DCUN1D5: variants seen among roughly 807,000 people sequenced by gnomAD.
DCUN1D5 encodes defective in cullin neddylation 1 domain containing 5.
A neutral mutation model predicts 38.3 loss-of-function variants in DCUN1D5; 10 were observed. The ratio of observed to expected loss-of-function variants is 0.26; its 90% confidence interval spans 0.16 to 0.44. The LOEUF is 0.44. Among genes scored for constraint, DCUN1D5 ranks in the 20% least tolerant of loss-of-function variants. DCUN1D5 has a pLI of 1.00. For synonymous variants in DCUN1D5, 93 were observed against 90.9 expected (o/e 1.02, Z -0.13); for missense variants, 148 against 275.3 (o/e 0.54, Z 3.27).
rs1481980082 is a variant in DCUN1D5 at position 103,087,627 on chromosome 11, G to A, written c.178+1600C>T. Among the ~76,000 whole-genome samples, 1 of 152,220 alleles carries A rather than the reference G, an allele frequency of 6.6e-6. No homozygotes were observed. Among genetic ancestry groups the A allele is most frequent in the Non-Finnish European group, 1.5e-5 (1 of 68,044 alleles). On this transcript the variant is annotated intron_variant, in intron 2 of 7. Transcript: ENST00000260247. The surrounding 1 kb of genome is among the most constrained non-coding windows in gnomAD (Gnocchi z 4.1). ...ATCACAGCACTGCGCTCCAGCGTGGGCGACACAGTGAGACCCTGTCTCAAA... is the reference window on the plus strand; with the variant it reads ...ATCACAGCACTGCGCTCCAGCGTGGACGACACAGTGAGACCCTGTCTCAAA...
rs752402948 is a variant in DCUN1D5 at position 103,091,703 on chromosome 11, G to C, written c.86+84C>G. The stretch of plus-strand genomic sequence containing the variant: ...CCTCACCTGTCTCCAGCCCCAGCCC[G>C]GCAGGCCGGGCCCGACTCCTTTTCC... On this transcript the variant is annotated intron_variant, in intron 1 of 7. Transcript: ENST00000260247. This position sits in a 1 kb window ranked among gnomAD's most constrained non-coding sequence, Gnocchi z 4.3. The C allele has an allele frequency of 1.1e-5, 17 of 1,611,242 alleles. No individual in the cohort carries two copies. In the African/African-American group the frequency reaches 1.5e-4, roughly 14 times the overall value.
At chr11:103,070,173 A>C (rs1862236961) in intron 4 of DCUN1D5, among the ~76,000 whole-genome samples, 1 of 152,152 alleles carries the variant, frequency 6.6e-6, no homozygotes, top group African/African-American at 2.4e-5. Context: ...ACCAAATGGA[A>C]ATTTTTGAAC....
rs771036572 is a variant in DCUN1D5 at position 103,063,546 on chromosome 11, A to G, written c.658+729T>C. ...TTTTATTTTTTCAGTGTCACAGAAA[A>G]AAGTGTATAATTTCAGTTTAAGTTT... On this transcript the variant is annotated intron_variant, in intron 7 of 7. Coordinates refer to ENST00000260247, the MANE Select transcript of DCUN1D5 (RefSeq NM_032299.4). The surrounding 1 kb of genome is among the most constrained non-coding windows in gnomAD (Gnocchi z 4.6). 1.3e-5 allele frequency among the ~76,000 whole-genome samples: 2 copies of G among 152,156 alleles called. No individual in the cohort carries two copies. Among genetic ancestry groups the G allele is most frequent in the Non-Finnish European group, 2.9e-5 (2 of 67,996 alleles).
In DCUN1D5 at chr11:103,056,353, T is replaced by A. The variant is rs1861872283; in HGVS notation, c.*6006A>T. Among the ~76,000 whole-genome samples the A allele has an allele frequency of 6.6e-6, 1 of 152,230 alleles. No individual in the cohort carries two copies. The highest frequency in any genetic ancestry group is 1.5e-5 in the Non-Finnish European group (1 of 68,038). ...ACTACAGTCACACTGATCTCTTTAC[T>A]GTTTCTTTACACTCTGTACCAGCTC... On this transcript the variant is annotated 3_prime_UTR_variant, in exon 8 of 8. Coordinates refer to ENST00000260247, the MANE Select transcript of DCUN1D5 (RefSeq NM_032299.4). The surrounding 1 kb of genome is among the most constrained non-coding windows in gnomAD (Gnocchi z 4.9).
chr11:103,089,417 G>GT (rs59324738), intron 1 of DCUN1D5, 99 bp from the exon 2 acceptor site: 146,490 of 919,106 alleles, frequency 0.16, 5,637 homozygotes, highest in African/African-American at 0.2. Context: ...TTAAACAAAG[G>GT]TTTTTTTTTT....
intron 1 of DCUN1D5, among the ~76,000 whole-genome samples, chr11:103,090,196 TACTTA>T (rs1426616090): frequency 5.9e-5 from 9 of 152,226 alleles, no homozygotes; most frequent in Admixed American, 1.3e-4. Flanking sequence ...TATCTTAATG[TACTTA>T]ACTTAAATAA....
Position 103,082,736 on chromosome 11 carries a change from A to C in DCUN1D5, c.341+12T>G. On this transcript the variant is annotated intron_variant, in intron 4 of 7. Coordinates refer to ENST00000260247, the MANE Select transcript of DCUN1D5 (RefSeq NM_032299.4). ...TAGGCCATCAAATTTGTTTTTTAAA[A>C]AAATTTCTTACTGTAATGAAGTCAT... is the stretch of plus-strand genomic sequence containing the variant. 6.3e-7 allele frequency: 1 copy of C among 1,591,680 alleles called. No homozygotes were observed. The highest frequency in any genetic ancestry group is 8.6e-7 in the Non-Finnish European group (1 of 1,167,074).
At chr11:103,085,007 A>G (rs1862665217) in intron 2 of DCUN1D5, among the ~76,000 whole-genome samples, 1 of 152,194 alleles carries the variant, frequency 6.6e-6, no homozygotes, top group South Asian at 2.1e-4. Context: ...AAAATAAAAA[A>G]TTAAGGGAAA....
intron 4 of DCUN1D5, among the ~76,000 whole-genome samples, chr11:103,069,564 A>AAGC (rs766165636): frequency 6.6e-6 from 1 of 152,172 alleles, no homozygotes; most frequent in Non-Finnish European, 1.5e-5. Context: ...AGGTAGTAAC[A>AAGC]AGCAGCCAAT....
Position 103,083,520 on chromosome 11 carries a change from C to T in DCUN1D5, c.179-194G>A, listed in dbSNP as rs1489248603. ...AAATTTGTGAAGTATTCTTTGAACA[C>T]CAGATTACAATATGAAATTAAGAAA... On this transcript the variant is annotated intron_variant, in intron 2 of 7. Transcript: ENST00000260247. This position sits in a 1 kb window ranked among gnomAD's most constrained non-coding sequence, Gnocchi z 4.4. Among the ~76,000 whole-genome samples, 1 of 151,640 alleles carries T rather than the reference C, an allele frequency of 6.6e-6. No homozygotes were observed. Among genetic ancestry groups the T allele is most frequent in the Non-Finnish European group, 1.5e-5 (1 of 67,850 alleles).
rs562085188 is a variant in DCUN1D5, at chr11:103,073,410, G to C, written c.342-6843C>G. 6.6e-6 allele frequency among the ~76,000 whole-genome samples: 1 copy of C among 152,142 alleles called. No individual in the cohort carries two copies. Among genetic ancestry groups the C allele is most frequent in the Admixed American group, 6.5e-5 (1 of 15,278 alleles). On this transcript the variant is annotated intron_variant, in intron 4 of 7. Coordinates refer to ENST00000260247, the MANE Select transcript of DCUN1D5 (RefSeq NM_032299.4). The surrounding 1 kb of genome is among the most constrained non-coding windows in gnomAD (Gnocchi z 4.2). ...TGCTATTTAACCAAAATCTCAGCAA[G>C]ATATTTTTGTAAAGAAAAGACTATT...
rs1326998636 is a variant in DCUN1D5 at position 103,061,637 on chromosome 11, TATA to T, written c.*719_*721del. Reference sequence around the variant, plus strand: ...AAAGTGCTTTAAACAAAATTCCCTATATAATGACAGTTAAAAATATAAATATGC... The same window carrying T: ...AAAGTGCTTTAAACAAAATTCCCTATATGACAGTTAAAAATATAAATATGC... On this transcript the variant is annotated 3_prime_UTR_variant, in exon 8 of 8. Transcript: ENST00000260247. 6.7e-6 allele frequency among the ~76,000 whole-genome samples: 1 copy of T among 149,072 alleles called. No homozygotes were observed. The highest frequency in any genetic ancestry group is 1.9e-4 in the East Asian group (1 of 5,134).
At chr11:103,068,288 T>A (rs146078152) in intron 4 of DCUN1D5, among the ~76,000 whole-genome samples, 9 of 152,100 alleles carry the variant, frequency 5.9e-5, no homozygotes, top group South Asian at 2.1e-4. Context: ...ATAAGTATTG[T>A]TTGTAGAACT....
At position 103,062,464 on chromosome 11, in the gene DCUN1D5, C is replaced by T. The variant is rs1565284097; in HGVS notation, c.659-50G>A. The T allele has an allele frequency of 6.5e-7, 1 of 1,538,376 alleles. No individual in the cohort carries two copies. Among genetic ancestry groups the T allele is most frequent in the Non-Finnish European group, 8.9e-7 (1 of 1,117,656 alleles). ...TCAGAATTCAGTGAACTCATCTCTCCAATTATAAAACAAACTCCCCACGAG... is the reference window on the plus strand; with the variant it reads ...TCAGAATTCAGTGAACTCATCTCTCTAATTATAAAACAAACTCCCCACGAG... On this transcript the variant is annotated intron_variant, in intron 7 of 7. Coordinates refer to ENST00000260247, the MANE Select transcript of DCUN1D5 (RefSeq NM_032299.4). The surrounding 1 kb of genome is among the most constrained non-coding windows in gnomAD (Gnocchi z 4.6).
intron 4 of DCUN1D5, among the ~76,000 whole-genome samples, chr11:103,069,550 T>C (rs1862219705): frequency 6.6e-6 from 1 of 152,204 alleles, no homozygotes; most frequent in Non-Finnish European, 1.5e-5. Context: ...CTTCTGCTCT[T>C]GCCAGGTAGT....
chr11:103,067,722 C>A (rs1476798747), intron 4 of DCUN1D5, among the ~76,000 whole-genome samples: 2 of 152,028 alleles, frequency 1.3e-5, no homozygotes, highest in Non-Finnish European at 2.9e-5. Context: ...TTAATTAAAC[C>A]TTGCATTTCT....
rs1168501672 is a variant in DCUN1D5, at chr11:103,071,843, T to G, written c.342-5276A>C. Among the ~76,000 whole-genome samples, 1 of 151,020 alleles carries G rather than the reference T, an allele frequency of 6.6e-6. No individual in the cohort carries two copies. Among genetic ancestry groups the G allele is most frequent in the Non-Finnish European group, 1.5e-5 (1 of 67,692 alleles). ...TTCACTACAGAATTATACCAAACCT[T>G]TAAAGACTTATTCCACATCTCTCTC... On this transcript the variant is annotated intron_variant, in intron 4 of 7. Coordinates refer to ENST00000260247, the MANE Select transcript of DCUN1D5 (RefSeq NM_032299.4). This position sits in a 1 kb window ranked among gnomAD's most constrained non-coding sequence, Gnocchi z 4.1.
Position 103,060,313 on chromosome 11 carries a change from T to C in DCUN1D5, c.*2046A>G, listed in dbSNP as rs1248741536. 6.6e-6 allele frequency among the ~76,000 whole-genome samples: 1 copy of C among 152,108 alleles called. No individual in the cohort carries two copies. Among genetic ancestry groups the C allele is most frequent in the East Asian group, 1.9e-4 (1 of 5,198 alleles). Reference sequence around the variant, plus strand: ...AAATTTCATTTTCAGACTCAAAAAGTCTTAAAGGTATCTTTGGATAAGTAT... The same window carrying C: ...AAATTTCATTTTCAGACTCAAAAAGCCTTAAAGGTATCTTTGGATAAGTAT... On this transcript the variant is annotated 3_prime_UTR_variant, in exon 8 of 8. Transcript: ENST00000260247.
In DCUN1D5 at chr11:103,078,077, T is replaced by C. The variant is rs928675218; in HGVS notation, c.341+4671A>G. ...TAAGACGGTCAAGCCATGCCATTCC[T>C]TTTACACTTCAAAGTCCGGGGCTCA... On this transcript the variant is annotated intron_variant, in intron 4 of 7. Coordinates refer to ENST00000260247, the MANE Select transcript of DCUN1D5 (RefSeq NM_032299.4). The surrounding 1 kb of genome is among the most constrained non-coding windows in gnomAD (Gnocchi z 4.6). Among the ~76,000 whole-genome samples the C allele has an allele frequency of 6.6e-6, 1 of 152,172 alleles. No individual in the cohort carries two copies. The highest frequency in any genetic ancestry group is 1.5e-5 in the Non-Finnish European group (1 of 68,032).
Sources: gnomAD v4.1 joint callset for allele counts (sites outside exome capture counted in the v4.1 genomes callset) on GRCh38, gnomAD v4.1.1 for gene constraint, Gnocchi (gnomAD v3.1) non-coding constraint, MANE v1.5 for transcripts, NCBI Gene and HGNC (gene_info 2026-07-23, HGNC 2026-07-21) for gene names.